The following OTOF variants were observed in gnomAD, a reference collection of about 807,000 sequenced individuals.
OTOF encodes the protein otoferlin.
OTOF carries 218 observed loss-of-function variants against 236.8 expected under a neutral mutation model. The ratio of observed to expected loss-of-function variants is 0.92; its 90% CI spans 0.82 to 1.03. OTOF has a LOEUF of 1.03. OTOF is among the 50% of genes least tolerant of loss of function. OTOF has a pLI of 0.00. For missense variants in OTOF, 2,590 were observed against 2,694.4 expected, an observed-to-expected ratio of 0.96 and a Z score of 0.86; for synonymous variants, 1,041 against 1,072.5, an observed-to-expected ratio of 0.97 and a Z score of 0.57.
intron 3 of OTOF, among the ~76,000 whole-genome samples, chr2:26,524,963 G>A (rs542858544): frequency 2.6e-5 from 4 of 152,274 alleles, no homozygotes; most frequent in South Asian, 2.1e-4. Flanking sequence ...CTTGACTTCC[G>A]ATTCTCCTTC....
In OTOF at chr2:26,466,713, C is replaced by G; in HGVS notation, c.4500+1G>C. On this transcript the variant is annotated splice_donor_variant, in intron 36 of 46. Transcript: ENST00000272371. LOFTEE classifies it high-confidence loss of function. ...AGGAGGGAAAGCGACGGGAGTCTCA[C>G]CCGGACCACATAGACTCGGACCAGC... The G allele has an allele frequency of 6.2e-7, 1 of 1,614,166 alleles. No individual in the cohort carries two copies. Among genetic ancestry groups the G allele is most frequent in the South Asian group, 1.1e-5 (1 of 91,082 alleles).
At chr2:26,518,741 C>T (rs1228604542) in intron 4 of OTOF, among the ~76,000 whole-genome samples, 2 of 152,216 alleles carry the variant, frequency 1.3e-5, no homozygotes, top group South Asian at 2.1e-4. Context: ...TGAGCTGGGT[C>T]CAAATGGAAG....
intron 5 of OTOF, among the ~76,000 whole-genome samples, chr2:26,510,436 C>T (rs1010749977): frequency 6.6e-6 from 1 of 152,124 alleles, no homozygotes; most frequent in South Asian, 2.1e-4. Context: ...GAACAAGACA[C>T]GGAGAGGAGG....
intron 11 of OTOF, among the ~76,000 whole-genome samples, chr2:26,485,280 T>G (rs553853113): frequency 6.6e-6 from 1 of 152,372 alleles, no homozygotes; most frequent in East Asian, 1.9e-4. Flanking sequence ...ATTTGTAAAC[T>G]TCTACTCATT....
At chr2:26,498,442 G>A (rs1666041408) in intron 8 of OTOF, among the ~76,000 whole-genome samples, 1 of 152,170 alleles carries the variant, frequency 6.6e-6, no homozygotes, top group South Asian at 2.1e-4. Context: ...CTCTAGGAAG[G>A]GGAAATGATG....
In OTOF at chr2:26,462,589, T is replaced by C. The variant is rs1348445786; in HGVS notation, c.5193-408A>G. Among the ~76,000 whole-genome samples the C allele has an allele frequency of 6.6e-6, 1 of 152,206 alleles. No individual in the cohort carries two copies. The highest frequency in any genetic ancestry group is 1.5e-5 in the Non-Finnish European group (1 of 68,024). On this transcript the variant is annotated intron_variant, in intron 41 of 46. Coordinates refer to ENST00000272371, the MANE Select transcript of OTOF (RefSeq NM_194248.3). The surrounding 1 kb of genome is among the most constrained non-coding windows in gnomAD (Gnocchi z 4.7). ...AATCATTAAGAGTGAGGCTGAGTCATTCACTAAAAATTGATCTGAGCATGG... is the reference window on the plus strand; with the variant it reads ...AATCATTAAGAGTGAGGCTGAGTCACTCACTAAAAATTGATCTGAGCATGG...
intron 39 of OTOF, 134 bp downstream of exon 39, chr2:26,464,735 G>A: frequency 1.2e-6 from 1 of 818,240 alleles, no homozygotes; most frequent in Admixed American, 2.6e-5. Flanking sequence ...GATGAGCAGA[G>A]GGTCACTAAG....
intron 40 of OTOF, 119 bp downstream of exon 40, chr2:26,463,845 C>A: frequency 1.4e-6 from 2 of 1,406,204 alleles, no homozygotes; most frequent in South Asian, 1.2e-5. Flanking sequence ...AAGGTGCCTG[C>A]CAGGCTTTCT....
chr2:26,474,766 T>A, intron 25 of OTOF, 92 bp from the exon 26 acceptor site: 2 of 1,430,234 alleles, frequency 1.4e-6, no homozygotes, highest in Non-Finnish European at 2.0e-6. Flanking sequence ...TGAGTTGTTG[T>A]AAGGGACAGG....
chr2:26,482,610 A>C lies in OTOF; in HGVS notation c.1393-18T>G. On this transcript the variant is annotated intron_variant, in intron 13 of 46. Coordinates refer to ENST00000272371, the MANE Select transcript of OTOF (RefSeq NM_194248.3). ...GTCTTGCCCTGGTGGAAGGGGGAGC[A>C]CAGGTGAGGGCGTGGCATGTGTGTG... The C allele has an allele frequency of 6.2e-7, 1 of 1,608,858 alleles. No homozygotes were observed. Among genetic ancestry groups the C allele is most frequent in the Non-Finnish European group, 8.5e-7 (1 of 1,177,036 alleles).
At chr2:26,489,369 C>T (rs919139248) in intron 10 of OTOF, 74 bp from the exon 11 acceptor site, 22 of 1,210,784 alleles carry the variant, frequency 1.8e-5, no homozygotes, top group Non-Finnish European at 2.3e-5. Flanking sequence ...TGGTGGGACC[C>T]GAGCTTTGTG....
intron 6 of OTOF, 115 bp downstream of exon 6, chr2:26,503,657 G>T (rs996842282): frequency 1.1e-6 from 1 of 891,120 alleles, no homozygotes; most frequent in Non-Finnish European, 1.9e-6. Context: ...GGTGGGGCCT[G>T]GCCCTGGGAC....
chr2:26,498,391 A>G (rs999729063), intron 8 of OTOF, among the ~76,000 whole-genome samples: 3 of 152,128 alleles, frequency 2.0e-5, no homozygotes, highest in African/African-American at 7.2e-5. Context: ...GTGTTGGGGG[A>G]AGGGGAATGC....
chr2:26,527,872 C>T lies in OTOF; in HGVS notation c.187G>A (p.Glu63Lys), dbSNP rs753461913. ...ASSIDRNEML[E>K]IQVFNYSKVF... Reference sequence around the variant, plus strand: ...TTGCTGTAGTTGAAAACCTGAATCTCCAGCATCTCATTTCTGTCGATGCTG... The same window carrying T: ...TTGCTGTAGTTGAAAACCTGAATCTTCAGCATCTCATTTCTGTCGATGCTG... The change falls in exon 3 of 47, where the codon GAG becomes AAG. Residue 63 changes from glutamate (E) to lysine (K), a missense_variant. Around this residue, in one of 2 missense-constraint regions of OTOF, gnomAD observed 1,379 missense variants for 1,341.6 expected, o/e 1.03. Transcript: ENST00000272371. 29 of 1,613,982 alleles carry T rather than the reference C, an allele frequency of 1.8e-5. No individual in the cohort carries two copies. The highest frequency in any genetic ancestry group is 2.2e-5 in the South Asian group (2 of 91,092).
At chr2:26,529,671 C>A (rs945580033) in intron 2 of OTOF, among the ~76,000 whole-genome samples, 1 of 152,192 alleles carries the variant, frequency 6.6e-6, no homozygotes, top group African/African-American at 2.4e-5. Flanking sequence ...CGGGTCACTG[C>A]CCAGTGTGGG....
intron 38 of OTOF, 112 bp from the exon 39 acceptor site, chr2:26,465,141 G>A: frequency 2.2e-6 from 2 of 914,612 alleles, no homozygotes; most frequent in South Asian, 4.6e-5. Context: ...ATCAGCAAGT[G>A]AGCCTGATTC....
Position 26,502,543 on chromosome 2 carries a change from T to TA in OTOF, c.584-118dup, listed in dbSNP as rs1666143111. The TA allele has an allele frequency of 4.8e-6, 5 of 1,052,050 alleles. No homozygotes were observed. In the South Asian group the frequency reaches 6.8e-5, roughly 14 times the overall value. The allele number at this position is 1,052,050 out of a possible 1,614,324, so 65.2% of individuals were successfully genotyped here. A position where few individuals can be genotyped will look rare whatever the true frequency, so the allele number is the denominator to read the frequency against. ...TTAAATTCGAGGTTTACTTAGTTGCTACCGCTTAGAATATTATGGCCTGAA... is the reference window on the plus strand; with the variant it reads ...TTAAATTCGAGGTTTACTTAGTTGCTAACCGCTTAGAATATTATGGCCTGAA... On this transcript the variant is annotated intron_variant, in intron 6 of 46. Transcript: ENST00000272371.
rs1664493829 is a variant in OTOF at position 26,462,091 on chromosome 2, G to A, written c.5283C>T (p.Phe1761=). The change falls in exon 42 of 47, where the codon TTC becomes TTT. Residue 1761 remains phenylalanine (F), a synonymous_variant. Transcript: ENST00000272371. This position sits in a 1 kb window ranked among gnomAD's most constrained non-coding sequence, Gnocchi z 4.7. ...FFTGEKSSDI[F]VRGWLKGQQE... ...AGGGACTGCTCACCCACCCCCTCAC[G>A]AAGATGTCACTGGACTTCTCCCCTG... 6 of 1,555,336 alleles carry A rather than the reference G, an allele frequency of 3.9e-6. No individual in the cohort carries two copies. The highest frequency in any genetic ancestry group is 1.7e-5 in the Admixed American group (1 of 58,726).
At chr2:26,516,656 G>T in intron 4 of OTOF, 57 bp from the exon 5 acceptor site, 2 of 1,558,708 alleles carry the variant, frequency 1.3e-6, no homozygotes, top group South Asian at 2.2e-5. Flanking sequence ...TCTCCACCCC[G>T]TATATGTGGC....
Sources: gnomAD v4.1 joint callset for allele counts (sites outside exome capture counted in the v4.1 genomes callset) on GRCh38, gnomAD v4.1.1 for gene constraint, gnomAD v4.1.1 regional missense constraint, Gnocchi (gnomAD v3.1) non-coding constraint, MANE v1.5 for transcripts, NCBI Gene and HGNC (gene_info 2026-07-23, HGNC 2026-07-21) for gene names.